LETM1: variants seen among roughly 807,000 people sequenced by gnomAD.
The protein encoded by LETM1 is leucine zipper and EF-hand containing transmembrane protein 1.
A neutral mutation model predicts 74.5 loss-of-function variants in LETM1; 50 were observed. The observed-to-expected ratio is 0.67, with a 90% CI of 0.53 to 0.85. The LOEUF is 0.85. Ranked by LOEUF, LETM1 falls within the 40% of genes least tolerant of loss-of-function variation. The pLI is 0.00. For missense variants in LETM1, 824 were observed against 967.8 expected (o/e 0.85, Z 1.97); for synonymous variants, 446 against 407.1 (o/e 1.10, Z -1.15).
At position 1,856,076 on chromosome 4, in the gene LETM1, C is replaced by A. The variant is rs1713233457; in HGVS notation, c.-126G>T. On this transcript the variant is annotated 5_prime_UTR_variant, in exon 1 of 14. Coordinates refer to ENST00000302787, the MANE Select transcript of LETM1 (RefSeq NM_012318.3). Reference sequence around the variant, plus strand: ...GCGGACGGCTGACAGAGGCGGCTGGCCTCGGACGGGAGGCGCTCTCCTCAA... The same window carrying A: ...GCGGACGGCTGACAGAGGCGGCTGGACTCGGACGGGAGGCGCTCTCCTCAA... The A allele has an allele frequency of 5.9e-6, 3 of 505,386 alleles. No homozygotes were observed. The highest frequency in any genetic ancestry group is 2.0e-4 in the South Asian group (2 of 9,794). 31.3% of individuals were successfully genotyped at this position (505,386 alleles called of 1,614,324 possible).
intron 2 of LETM1, among the ~76,000 whole-genome samples, chr4:1,842,031 G>C (rs889438772): frequency 6.6e-6 from 1 of 152,198 alleles, no homozygotes; most frequent in African/African-American, 2.4e-5. Flanking sequence ...ACAGGAGCAT[G>C]GGCGGGCGAT....
chr4:1,840,340 G>A (rs1712642823), intron 3 of LETM1, among the ~76,000 whole-genome samples: 1 of 152,090 alleles, frequency 6.6e-6, no homozygotes. Context: ...TTGTGCCACT[G>A]CACTCAGGCC....
At chr4:1,815,109 C>G (rs1231380115) in intron 13 of LETM1, among the ~76,000 whole-genome samples, 3 of 152,220 alleles carry the variant, frequency 2.0e-5, no homozygotes, top group Non-Finnish European at 4.4e-5. Flanking sequence ...AATTGGTGTG[C>G]GCACTCAGGC....
chr4:1,816,485 G>T (rs1711575545), intron 12 of LETM1, among the ~76,000 whole-genome samples: 1 of 152,162 alleles, frequency 6.6e-6, no homozygotes, highest in African/African-American at 2.4e-5. Context: ...GTTGGAGCGG[G>T]AGGAGAGGGG....
chr4:1,845,169 G>A (rs1476142921), intron 2 of LETM1, among the ~76,000 whole-genome samples: 1 of 152,112 alleles, frequency 6.6e-6, no homozygotes, highest in Non-Finnish European at 1.5e-5. Flanking sequence ...CAGCCTGGGC[G>A]ATAGAGTGAG....
chr4:1,824,337 C>T (rs1711904898), intron 7 of LETM1, among the ~76,000 whole-genome samples: 1 of 152,128 alleles, frequency 6.6e-6, no homozygotes, highest in South Asian at 2.1e-4. Context: ...AGAAACAAGA[C>T]CAGCCCAGGT....
In LETM1 at chr4:1,814,270, G is replaced by C; in HGVS notation, c.*154C>G. 8.4e-7 allele frequency: 1 copy of C among 1,188,806 alleles called. No individual in the cohort carries two copies. The highest frequency in any genetic ancestry group is 1.2e-6 in the Non-Finnish European group (1 of 836,898). 73.6% of individuals were successfully genotyped at this position (1,188,806 alleles called of 1,614,324 possible). On this transcript the variant is annotated 3_prime_UTR_variant, in exon 14 of 14. Coordinates refer to ENST00000302787, the MANE Select transcript of LETM1 (RefSeq NM_012318.3). ...CAGACAGACTGAATCTCCGTGGAAT[G>C]ATGAAAATTAAAATTTACTTGATTA...
chr4:1,848,670 T>C (rs531191252), intron 2 of LETM1, among the ~76,000 whole-genome samples: 2 of 136,528 alleles, frequency 1.5e-5, no homozygotes, highest in African/African-American at 5.6e-5. Context: ...GAGCCAAGCA[T>C]GTGCCACTGC....
intron 3 of LETM1, among the ~76,000 whole-genome samples, chr4:1,840,975 A>T (rs1470935509): frequency 6.6e-6 from 1 of 152,224 alleles, no homozygotes; most frequent in African/African-American, 2.4e-5. Flanking sequence ...TTCCTAGGCA[A>T]TAGGTTTTAC....
rs1028147035 is a variant in LETM1, at chr4:1,848,997, T to C, written c.143+152A>G. On this transcript the variant is annotated intron_variant, in intron 2 of 13. Coordinates refer to ENST00000302787, the MANE Select transcript of LETM1 (RefSeq NM_012318.3). ...TCACTGAGGCATGTGACAATCATTT[T>C]CAAAATGGAAAGATAAAGGTTTAAA... 6.6e-5 allele frequency: 42 copies of C among 638,602 alleles called. 1 individual carries two copies. The highest frequency in any genetic ancestry group is 3.6e-4 in the Admixed American group (14 of 39,316). The allele number at this position is 638,602 out of a possible 1,614,324, so 39.6% of individuals were successfully genotyped here.
rs139359864 is a variant in LETM1, at chr4:1,840,913, T to G, written c.594+434A>C. 2.0e-3 allele frequency among the ~76,000 whole-genome samples: 306 copies of G among 152,274 alleles called. 1 individual carries two copies. Among genetic ancestry groups the G allele is most frequent in the African/African-American group, 7.1e-3 (295 of 41,554 alleles). On this transcript the variant is annotated intron_variant, in intron 3 of 13. Transcript: ENST00000302787. ...GGTGTCTGCTGCGTGGTCTTCTATG[T>G]TGATGACTGTTGTGGTGGAGGGTAG...
At chr4:1,844,807 C>T (rs1432816008) in intron 2 of LETM1, among the ~76,000 whole-genome samples, 1 of 147,626 alleles carries the variant, frequency 6.8e-6, no homozygotes, top group African/African-American at 2.5e-5. Flanking sequence ...CAGCACTGCA[C>T]GAGGCCAAGG....
chr4:1,824,485 G>A (rs1459363564), intron 7 of LETM1, among the ~76,000 whole-genome samples: 2 of 152,308 alleles, frequency 1.3e-5, no homozygotes, highest in South Asian at 2.1e-4. Context: ...AAGAAAGACC[G>A]TGACAATGTT....
chr4:1,827,487 ACT>A (rs1712039626), intron 6 of LETM1, among the ~76,000 whole-genome samples: 2 of 102,506 alleles, frequency 2.0e-5, no homozygotes, highest in Non-Finnish European at 3.9e-5. Context: ...ATTGGTGATG[ACT>A]CTTAACGAGC....
intron 6 of LETM1, 32 bp from the exon 7 acceptor site, chr4:1,825,715 G>C: frequency 6.3e-7 from 1 of 1,584,874 alleles, no homozygotes; most frequent in Non-Finnish European, 8.6e-7. Context: ...TATCATCTGG[G>C]ACAGTTGCTG....
At chr4:1,838,096 T>G (rs1560497727) in intron 3 of LETM1, among the ~76,000 whole-genome samples, 1 of 152,084 alleles carries the variant, frequency 6.6e-6, no homozygotes, top group Non-Finnish European at 1.5e-5. Flanking sequence ...GGATTATCTT[T>G]TTTTTTACTT....
chr4:1,828,886 A>G (rs1712139008), intron 6 of LETM1, among the ~76,000 whole-genome samples: 1 of 96,330 alleles, frequency 1.0e-5, no homozygotes. Context: ...TCCCTCCCGG[A>G]CGGGGCGGCT....
At chr4:1,829,045 C>A (rs1360168544) in intron 6 of LETM1, among the ~76,000 whole-genome samples, 1 of 118,828 alleles carries the variant, frequency 8.4e-6, no homozygotes, top group Non-Finnish European at 1.7e-5. Context: ...GGGAGCTGAC[C>A]CCCCCACCTC....
At chr4:1,840,183 G>A (rs1309403837) in intron 3 of LETM1, among the ~76,000 whole-genome samples, 3 of 152,196 alleles carry the variant, frequency 2.0e-5, no homozygotes, top group Admixed American at 2.0e-4. Flanking sequence ...TTCGAGAGCA[G>A]CCTGGCCAAC....
Sources: allele counts gnomAD v4.1 joint callset (sites outside exome capture counted in the v4.1 genomes callset), GRCh38; gene constraint gnomAD v4.1.1; transcripts MANE v1.5; gene names NCBI Gene and HGNC (gene_info 2026-07-23, HGNC 2026-07-21).